Variants in SLC4A11 observed in about 807,000 individuals in gnomAD.
The protein encoded by SLC4A11 is solute carrier family 4 member 11.
Under a neutral mutation model 95.0 loss-of-function variants are expected in SLC4A11, and 74 were observed. The ratio of observed to expected loss-of-function variants is 0.78; its 90% CI spans 0.65 to 0.95. The LOEUF is 0.95. Ranked by LOEUF, SLC4A11 falls within the 40% of genes least tolerant of loss-of-function variation. The probability of loss-of-function intolerance (pLI) is 0.00; values close to 1 mark genes in which losing one functional copy is unlikely to be tolerated. For missense variants in SLC4A11, 1,081 were observed against 1,192.4 expected (o/e 0.91, Z 1.38); for synonymous variants, 548 against 519.0 (o/e 1.06, Z -0.76).
In SLC4A11 at chr20:3,227,854, T is replaced by A; in HGVS notation, c.2561A>T (p.Tyr854Phe). ...LIMIAMIPIR[Y>F]ILLPRIIEAK... The stretch of plus-strand genomic sequence containing the variant: ...TTCAATGATTCGGGGCAGCAGGATA[T>A]AGCTGTGGGGAGGGAGGGACAGGAG... Residue 854 changes from tyrosine (Y) to phenylalanine (F), a missense_variant and splice_region_variant, in exon 20 of 20, where the codon TAT (tyrosine) becomes TTT (phenylalanine). Transcript: ENST00000642402. The A allele has an allele frequency of 6.2e-7, 1 of 1,612,818 alleles. No individual in the cohort carries two copies. The highest frequency in any genetic ancestry group is 8.5e-7 in the Non-Finnish European group (1 of 1,179,762).
intron 7 of SLC4A11, 43 bp downstream of exon 7, chr20:3,233,471 C>A: frequency 6.2e-7 from 1 of 1,611,162 alleles, no homozygotes; most frequent in Non-Finnish European, 8.5e-7. Context: ...GCGGGTAACC[C>A]GGGGCCCTCC....
In SLC4A11 at chr20:3,234,192, G is replaced by T. The variant is rs779111562; in HGVS notation, c.414C>A (p.Thr138=). 3.1e-6 allele frequency: 5 copies of T among 1,614,126 alleles called. No homozygotes were observed. The South Asian group carries it at 5.5e-5, about 18-fold the overall frequency. Residue 138 remains threonine, a synonymous_variant, in exon 5 of 20, where the codon ACC becomes ACA. Coordinates refer to ENST00000642402, the MANE Select transcript of SLC4A11 (RefSeq NM_001174089.2). The surrounding 1 kb of genome is among the most constrained non-coding windows in gnomAD (Gnocchi z 5.8). ...TATSLDNVLR[T]MLRRFARDPD... is the part of the protein sequence containing the mutation. The stretch of plus-strand genomic sequence containing the variant: ...GGTCCCTGGCGAAGCGGCGAAGCAT[G>T]GTCCGCAGCACGTTATCCAGGGAGG...
intron 7 of SLC4A11, among the ~76,000 whole-genome samples, chr20:3,232,518 T>C (rs1199318948): frequency 6.6e-6 from 1 of 152,186 alleles, no homozygotes; most frequent in Non-Finnish European, 1.5e-5. Context: ...CTGGCCAACA[T>C]GGTGAAACCC....
intron 1 of SLC4A11, chr20:3,238,308 A>C: frequency 2.2e-5 from 27 of 1,207,156 alleles, no homozygotes; most frequent in East Asian, 7.0e-5. Flanking sequence ...GGAGGAAGGA[A>C]GCGACAGGAG....
intron 1 of SLC4A11, chr20:3,238,191 GAAC>G: frequency 7.0e-7 from 1 of 1,428,852 alleles, no homozygotes. Context: ...CCAAAAGGGA[GAAC>G]AATTGGGGGT....
chr20:3,231,436 G>A lies in SLC4A11; in HGVS notation c.842C>T (p.Ala281Val). 4 of 1,614,044 alleles carry A rather than the reference G, an allele frequency of 2.5e-6. No homozygotes were observed. Among genetic ancestry groups the A allele is most frequent in the Non-Finnish European group, 3.4e-6 (4 of 1,180,004 alleles). The change falls in exon 8 of 20, where the codon GCC becomes GTC. Residue 281 changes from alanine to valine, a missense_variant. This residue lies in a region of SLC4A11 where 767 missense variants were observed against 858.0 expected (regional missense o/e 0.89). Transcript: ENST00000642402. This position sits in a 1 kb window ranked among gnomAD's most constrained non-coding sequence, Gnocchi z 5.2. ...ETRTEEEFKE[A>V]LVHQRQLLTM... ...GAGCAGCTGTCTCTGATGCACCAAGGCCTCCTTGAATTCCTCCTCTGTGCG... is the reference window on the plus strand; with the variant it reads ...GAGCAGCTGTCTCTGATGCACCAAGACCTCCTTGAATTCCTCCTCTGTGCG...
rs2068058669 is a variant in SLC4A11, at chr20:3,238,435, G to A, written c.43+660C>T. ...GGGCTGCATCCTGAAGTGGGGGGCG[G>A]GGGCGCTGGGGCGCGTCCCAGGCCG... On this transcript the variant is annotated intron_variant, in intron 1 of 19. Coordinates refer to ENST00000642402, the MANE Select transcript of SLC4A11 (RefSeq NM_001174089.2). The A allele has an allele frequency of 2.9e-6, 3 of 1,035,110 alleles. No homozygotes were observed. In the South Asian group the frequency reaches 1.3e-4, roughly 44 times the overall value. 64.1% of individuals were successfully genotyped at this position (1,035,110 alleles called of 1,614,324 possible).
chr20:3,234,884 C>G lies in SLC4A11; in HGVS notation c.99G>C (p.Lys33Asn). ...NGYFEDSSYY[K>N]CDTDDTFEAR... ...CTTCGAAGGTGTCATCTGTGTCACA[C>G]TTGTAGTAGCCTAGAGACCCCCAAG... Residue 33 changes from lysine (K) to asparagine (N), a missense_variant, in exon 3 of 20, where the codon AAG (lysine) becomes AAC (asparagine). Physicochemically the swap from Lys to Asn is moderately conservative, Grantham distance 94 (BLOSUM62 0). Around this residue, in one of 3 missense-constraint regions of SLC4A11, gnomAD observed 310 missense variants for 313.5 expected, o/e 0.99. Coordinates refer to ENST00000642402, the MANE Select transcript of SLC4A11 (RefSeq NM_001174089.2). The surrounding 1 kb of genome is among the most constrained non-coding windows in gnomAD (Gnocchi z 5.8). The G allele has an allele frequency of 1.2e-6, 2 of 1,613,926 alleles. No homozygotes were observed. Among genetic ancestry groups the G allele is most frequent in the Non-Finnish European group, 1.7e-6 (2 of 1,180,008 alleles).
At chr20:3,235,784 C>G (rs907376397) in intron 2 of SLC4A11, among the ~76,000 whole-genome samples, 3 of 152,126 alleles carry the variant, frequency 2.0e-5, no homozygotes, top group African/African-American at 7.2e-5. Flanking sequence ...CCTGAGCCAG[C>G]CCTGCTCCCC....
Position 3,234,023 on chromosome 20 carries a change from A to C in SLC4A11, c.524-21T>G. On this transcript the variant is annotated intron_variant, in intron 5 of 19. Transcript: ENST00000642402. This position sits in a 1 kb window ranked among gnomAD's most constrained non-coding sequence, Gnocchi z 5.8. The stretch of plus-strand genomic sequence containing the variant: ...GTGGACTGAGGAAAGAGTGAGGGGG[A>C]GGGTGGTGGGTCAACAGCCCCTCCC... 1 of 1,603,170 alleles carries C rather than the reference A, an allele frequency of 6.2e-7. No individual in the cohort carries two copies. Among genetic ancestry groups the C allele is most frequent in the South Asian group, 1.1e-5 (1 of 90,826 alleles).
intron 1 of SLC4A11, 117 bp from the exon 2 acceptor site, chr20:3,237,705 C>T (rs763847680): frequency 6.2e-7 from 1 of 1,614,024 alleles, no homozygotes; most frequent in Non-Finnish European, 8.5e-7. Context: ...AGGGATGCAA[C>T]CCACGCCACC....
Position 3,231,786 on chromosome 20 carries a change from G to A in SLC4A11, c.730-238C>T, listed in dbSNP as rs562839500. On this transcript the variant is annotated intron_variant, in intron 7 of 19. Coordinates refer to ENST00000642402, the MANE Select transcript of SLC4A11 (RefSeq NM_001174089.2). This position sits in a 1 kb window ranked among gnomAD's most constrained non-coding sequence, Gnocchi z 5.2. The stretch of plus-strand genomic sequence containing the variant: ...TCCCACATCAGTCCCCTGAGTAGCT[G>A]GGACCACAGGCACGCACCACCATGC... Among the ~76,000 whole-genome samples, 3 of 152,122 alleles carry A rather than the reference G, an allele frequency of 2.0e-5. No homozygotes were observed. Among genetic ancestry groups the A allele is most frequent in the East Asian group, 1.9e-4 (1 of 5,196 alleles).
chr20:3,232,485 G>C (rs2067814997), intron 7 of SLC4A11, among the ~76,000 whole-genome samples: 1 of 152,228 alleles, frequency 6.6e-6, no homozygotes. Context: ...CAGATCACTT[G>C]AGGTCAAGAG....
chr20:3,238,277 G>A (rs1422873186), intron 1 of SLC4A11: 5 of 1,282,056 alleles, frequency 3.9e-6, no homozygotes, highest in Non-Finnish European at 4.9e-6. Flanking sequence ...GGATGGTCCC[G>A]GCTGTTTGTG....
At position 3,229,541 on chromosome 20, in the gene SLC4A11, G is replaced by C; in HGVS notation, c.1725C>G (p.Leu575=). 6.2e-7 allele frequency: 1 copy of C among 1,612,866 alleles called. No homozygotes were observed. The highest frequency in any genetic ancestry group is 8.5e-7 in the Non-Finnish European group (1 of 1,179,952). Residue 575 remains leucine (L), a synonymous_variant, in exon 14 of 20, where the codon CTC becomes CTG. Coordinates refer to ENST00000642402, the MANE Select transcript of SLC4A11 (RefSeq NM_001174089.2). Reference sequence around the variant, plus strand: ...CCCCTCACCTCTTCTTGAATTGGTAGAGGGTGTAGCCCAGCCAGAGCGTGC... The same window carrying C: ...CCCCTCACCTCTTCTTGAATTGGTACAGGGTGTAGCCCAGCCAGAGCGTGC... The part of the protein sequence containing the change: ...MLGTLWLGYT[L]YQFKKSPYLH...
chr20:3,238,154 G>C, intron 1 of SLC4A11: 2 of 1,443,368 alleles, frequency 1.4e-6, no homozygotes, highest in South Asian at 3.0e-5. Context: ...ACCGCGTCCC[G>C]GCCGCCTGGA....
At position 3,231,344 on chromosome 20, in the gene SLC4A11, G is replaced by A. The variant is rs1386174479; in HGVS notation, c.934C>T (p.His312Tyr). The part of the protein sequence containing the change: ...KERSTVSLPA[H>Y]RHPEPPKCKD... ...CTACCCTGTACCTCTGGGTGTCTGT[G>A]GGCAGGGAGGGAGACTGTGCTGCGT... is the stretch of plus-strand genomic sequence containing the variant. The change falls in exon 8 of 20, where the codon CAC becomes TAC. Residue 312 changes from histidine to tyrosine, a missense_variant. Around this residue, in one of 3 missense-constraint regions of SLC4A11, gnomAD observed 767 missense variants for 858.0 expected, o/e 0.89. Transcript: ENST00000642402. This position sits in a 1 kb window ranked among gnomAD's most constrained non-coding sequence, Gnocchi z 5.2. 18 of 1,613,878 alleles carry A rather than the reference G, an allele frequency of 1.1e-5. No homozygotes were observed. The highest frequency in any genetic ancestry group is 2.2e-5 in the South Asian group (2 of 91,090).
rs112650078 is a variant in SLC4A11 at position 3,236,845 on chromosome 20, C to G, written c.88+699G>C. Among the ~76,000 whole-genome samples, 6 of 152,154 alleles carry G rather than the reference C, an allele frequency of 3.9e-5. No individual in the cohort carries two copies. In the East Asian group the frequency reaches 9.7e-4, roughly 25 times the overall value. On this transcript the variant is annotated intron_variant, in intron 2 of 19. Coordinates refer to ENST00000642402, the MANE Select transcript of SLC4A11 (RefSeq NM_001174089.2). Reference sequence around the variant, plus strand: ...CTACCTTAGACTTAGTGCTCAGGTCCCCTAGATTAAGGACCTGCCCAGCTG... The same window carrying G: ...CTACCTTAGACTTAGTGCTCAGGTCGCCTAGATTAAGGACCTGCCCAGCTG...
In SLC4A11 at chr20:3,227,810, T is replaced by C; in HGVS notation, c.2605A>G (p.Met869Val). ...AGTCAAGGCCTGTGCTCAGCGTCCA[T>C]GACATCCAAGTACTTGGCTTCAATG... ...RIIEAKYLDVMDAEHRP is the reference protein window; with the variant it reads ...RIIEAKYLDVVDAEHRP The change falls in exon 20 of 20, where the codon ATG becomes GTG. Residue 869 changes from methionine to valine, a missense_variant. Physicochemically the swap from Met to Val is conservative, Grantham distance 21. This residue lies in a region of SLC4A11 where 767 missense variants were observed against 858.0 expected (regional missense o/e 0.89). Coordinates refer to ENST00000642402, the MANE Select transcript of SLC4A11 (RefSeq NM_001174089.2). 6.2e-7 allele frequency: 1 copy of C among 1,613,270 alleles called. No homozygotes were observed. Among genetic ancestry groups the C allele is most frequent in the Non-Finnish European group, 8.5e-7 (1 of 1,179,946 alleles).
Sources: gnomAD v4.1 joint callset for allele counts (sites outside exome capture counted in the v4.1 genomes callset) on GRCh38, gnomAD v4.1.1 for gene constraint, gnomAD v4.1.1 regional missense constraint, Gnocchi (gnomAD v3.1) non-coding constraint, MANE v1.5 for transcripts, NCBI Gene and HGNC (gene_info 2026-07-23, HGNC 2026-07-21) for gene names.